CCDC14: variants seen among roughly 807,000 people sequenced by gnomAD.
CCDC14 encodes the protein coiled-coil domain containing 14.
Under a neutral mutation model 81.4 loss-of-function variants are expected in CCDC14, and 71 were observed. The ratio of observed to expected loss-of-function variants is 0.87; its 90% CI spans 0.72 to 1.06. CCDC14 has a LOEUF of 1.06. Among genes scored for constraint, CCDC14 ranks in the 50% least tolerant of loss-of-function variants. CCDC14 has a pLI of 0.00. For synonymous variants in CCDC14, 332 were observed against 364.8 expected (o/e 0.91, Z 1.03); for missense variants, 1,046 against 1,047.3 (o/e 1.00, Z 0.02).
rs188405853 is a variant in CCDC14 at position 123,939,023 on chromosome 3, T to C, written c.1344-5268A>G. On this transcript the variant is annotated intron_variant, in intron 9 of 12. Coordinates refer to ENST00000409697, the MANE Select transcript of CCDC14 (RefSeq NM_001366335.1). ...TCAATGTTCACATCTGTCTACTCTT[T>C]TGTTTGAATTCACCTTTTGGTTGAC... Among the ~76,000 whole-genome samples, 38 of 152,060 alleles carry C rather than the reference T, an allele frequency of 2.5e-4. No individual in the cohort carries two copies. The South Asian group carries it at 2.7e-3, about 11-fold the overall frequency.
rs547182826 is a variant in CCDC14 at position 123,933,956 on chromosome 3, A to G, written c.1344-201T>C. Among the ~76,000 whole-genome samples, 35 of 152,288 alleles carry G rather than the reference A, an allele frequency of 2.3e-4. 1 individual carries two copies. The East Asian group carries it at 6.8e-3, about 29-fold the overall frequency. On this transcript the variant is annotated intron_variant, in intron 9 of 12. Transcript: ENST00000409697. The stretch of plus-strand genomic sequence containing the variant: ...ATTATGAGGCCTGAGATAATTTTTA[A>G]GGTTGCCTGAAACAACATAAAACCT...
chr3:123,897,066 G>A (rs1467858192), downstream of CCDC14, among the ~76,000 whole-genome samples: 3 of 152,094 alleles, frequency 2.0e-5, no homozygotes, highest in Admixed American at 6.5e-5. Context: ...GTAAGTGATG[G>A]CATTGGGATT....
Position 123,915,300 on chromosome 3 carries a change from G to T in CCDC14, c.2197C>A (p.Pro733Thr). Residue 733 changes from proline to threonine, a missense_variant, in exon 13 of 13, where the codon CCT becomes ACT. By Grantham distance (38) the Pro-to-Thr change is conservative. Transcript: ENST00000409697. ...TTTTCAGGAGTGCTTCTAGCAAAAG[G>T]AATGTAAATTGTATTATCCAAATTA... ...EHNLDNTIYI[P>T]FARSTPEKKS... 6.2e-7 allele frequency: 1 copy of T among 1,613,924 alleles called. No individual in the cohort carries two copies. Among genetic ancestry groups the T allele is most frequent in the African/African-American group, 1.3e-5 (1 of 75,042 alleles).
rs947431512 is a variant in CCDC14, at chr3:123,959,947, C to G, written c.30+1197G>C. ...TGGTCTTGGTTTGCTTCATATTTTT[C>G]ACAATTAAAAAAACAAACCTGGAAT... On this transcript the variant is annotated intron_variant, in intron 1 of 12. Transcript: ENST00000409697. Among the ~76,000 whole-genome samples the G allele has an allele frequency of 4.0e-5, 6 of 151,864 alleles. No homozygotes were observed. The East Asian group carries it at 1.2e-3, about 29-fold the overall frequency.
At chr3:123,933,305 C>G (rs1004136989) in intron 10 of CCDC14, among the ~76,000 whole-genome samples, 1 of 152,074 alleles carries the variant, frequency 6.6e-6, no homozygotes, top group Non-Finnish European at 1.5e-5. Flanking sequence ...TTTTGATAGA[C>G]AAAAGTGTCC....
intron 12 of CCDC14, among the ~76,000 whole-genome samples, chr3:123,922,968 C>T (rs2148818643): frequency 6.6e-6 from 1 of 152,166 alleles, no homozygotes; most frequent in African/African-American, 2.4e-5. Context: ...CAGAAAAGAA[C>T]ACTACAAGAA....
chr3:123,926,869 G>C (rs988308924), intron 12 of CCDC14, among the ~76,000 whole-genome samples: 2 of 152,086 alleles, frequency 1.3e-5, no homozygotes, highest in African/African-American at 2.4e-5. Flanking sequence ...ATGCCTATCT[G>C]ACTAAGGTGA....
downstream of CCDC14, among the ~76,000 whole-genome samples, chr3:123,908,745 G>A (rs1212546237): frequency 6.6e-6 from 1 of 152,080 alleles, no homozygotes; most frequent in African/African-American, 2.4e-5. Context: ...ATATGGGGAG[G>A]GGAGAGGTAG....
chr3:123,921,432 AAAG>A (rs1389520223), intron 12 of CCDC14, among the ~76,000 whole-genome samples: 1 of 152,214 alleles, frequency 6.6e-6, no homozygotes, highest in East Asian at 1.9e-4. Context: ...AAAAAGAAGC[AAAG>A]AAGGTCACTA....
chr3:123,957,753 G>A (rs1231162019), intron 1 of CCDC14: 3 of 151,970 alleles, frequency 2.0e-5, no homozygotes, highest in Non-Finnish European at 4.4e-5. Flanking sequence ...ACTTTCCATG[G>A]TATACTATTT....
the CCDC14 span, among the ~76,000 whole-genome samples, chr3:123,888,553 T>C: frequency 6.6e-6 from 1 of 152,166 alleles, no homozygotes; most frequent in East Asian, 1.9e-4. Flanking sequence ...ACTGGGTAAT[T>C]TATGAAGAAA....
At position 123,918,855 on chromosome 3, in the gene CCDC14, G is replaced by C. The variant is rs2682252; in HGVS notation, c.1779-3137C>G. The stretch of plus-strand genomic sequence containing the variant: ...CTGCCAATGGAAGCATCAGACCAGA[G>C]AGACCAGTCAATAGCACTGCTTTGC... On this transcript the variant is annotated intron_variant, in intron 12 of 12. Coordinates refer to ENST00000409697, the MANE Select transcript of CCDC14 (RefSeq NM_001366335.1). Among the ~76,000 whole-genome samples, 5 of 152,086 alleles carry C rather than the reference G, an allele frequency of 3.3e-5. No homozygotes were observed. In the East Asian group the frequency reaches 5.8e-4, roughly 18 times the overall value.
chr3:123,894,977 G>T (rs544896297), downstream of CCDC14, among the ~76,000 whole-genome samples: 72 of 152,322 alleles, frequency 4.7e-4, 1 homozygote, highest in South Asian at 7.2e-3. Context: ...AATACCTGAA[G>T]AAGACCATGT....
chr3:123,897,582 G>T, exon 6 of CCDC14: 2 of 1,206,202 alleles, frequency 1.7e-6, no homozygotes, highest in Non-Finnish European at 2.1e-6. Context: ...GTAAGACTTT[G>T]CAGAACATTT....
At position 123,915,613 on chromosome 3, in the gene CCDC14, A is replaced by G. The variant is rs772096114; in HGVS notation, c.1884T>C (p.Asp628=). The change falls in exon 13 of 13, where the codon GAT becomes GAC. Residue 628 remains aspartate, a synonymous_variant. Transcript: ENST00000409697. ...NLTKSLLNIH[D]KQLQHDPAPA... is the part of the protein sequence containing the mutation. ...GAGCTGGGTCATGTTGAAGTTGTTT[A>G]TCATGAATGTTCAAGAGTGATTTGG... The G allele has an allele frequency of 1.9e-6, 3 of 1,614,046 alleles. No individual in the cohort carries two copies. In the South Asian group the frequency reaches 3.3e-5, roughly 18 times the overall value.
chr3:123,890,364 A>G, the CCDC14 span, among the ~76,000 whole-genome samples: 1 of 152,212 alleles, frequency 6.6e-6, no homozygotes, highest in Admixed American at 6.5e-5. Context: ...CATTAACTCA[A>G]AAGTCCACAG....
rs1411019976 is a variant in CCDC14, at chr3:123,955,830, A to G, written c.352+13T>C. On this transcript the variant is annotated intron_variant, in intron 5 of 12. Transcript: ENST00000409697. ...AGGATTATCTTTAAATAACTAAGAG[A>G]AAAAAGGCTTACATGTTTCTTTCTG... is the stretch of plus-strand genomic sequence containing the variant. 1 of 1,493,280 alleles carries G rather than the reference A, an allele frequency of 6.7e-7. No individual in the cohort carries two copies. Among genetic ancestry groups the G allele is most frequent in the Middle Eastern group, 2.2e-4 (1 of 4,532 alleles). 92.5% of individuals were successfully genotyped at this position (1,493,280 alleles called of 1,614,324 possible). A position where few individuals can be genotyped will look rare whatever the true frequency, so the allele number is the denominator to read the frequency against.
At chr3:123,946,361 C>A (rs1408037510) in intron 8 of CCDC14, among the ~76,000 whole-genome samples, 1 of 152,068 alleles carries the variant, frequency 6.6e-6, no homozygotes, top group Non-Finnish European at 1.5e-5. Flanking sequence ...GTATGCGTTA[C>A]TTCTCAAAGT....
chr3:123,937,131 G>A (rs1256933283), intron 9 of CCDC14, among the ~76,000 whole-genome samples: 1 of 151,936 alleles, frequency 6.6e-6, no homozygotes, highest in East Asian at 1.9e-4. Flanking sequence ...ATAGACATTT[G>A]GGTTGTTTCC....
Sources: allele counts gnomAD v4.1 joint callset (sites outside exome capture counted in the v4.1 genomes callset), GRCh38; gene constraint gnomAD v4.1.1; transcripts MANE v1.5; gene names NCBI Gene and HGNC (gene_info 2026-07-23, HGNC 2026-07-21).